MSRA: variants seen among roughly 807,000 people sequenced by gnomAD.
The protein encoded by MSRA is methionine sulfoxide reductase A.
MSRA carries 54 observed loss-of-function variants against 31.3 expected under a neutral mutation model. The observed-to-expected ratio is 1.73, with a 90% CI of 1.39 to 2.17. The LOEUF is 2.17. Among genes scored for constraint, MSRA ranks in the 30% most tolerant of loss-of-function variants. The pLI is 0.00. For synonymous variants in MSRA, 169 were observed against 116.5 expected (o/e 1.45, Z -2.90); for missense variants, 507 against 300.9 (o/e 1.69, Z -5.07).
chr8:10,177,383 T>A (rs1009547898), intron 1 of MSRA, among the ~76,000 whole-genome samples: 5 of 152,232 alleles, frequency 3.3e-5, no homozygotes, highest in African/African-American at 1.2e-4. Context: ...TGAATCAAGA[T>A]GCTTATGGTA....
At chr8:10,382,273 G>A (rs1806117369) in intron 5 of MSRA, among the ~76,000 whole-genome samples, 1 of 152,306 alleles carries the variant, frequency 6.6e-6, no homozygotes, top group Non-Finnish European at 1.5e-5. Context: ...GAGCCTTCAG[G>A]CTTGAAGATG....
At chr8:10,056,083 AGGAATTTATAC>A (rs1037380756) in intron 1 of MSRA, among the ~76,000 whole-genome samples, 10 of 151,726 alleles carry the variant, frequency 6.6e-5, no homozygotes, top group African/African-American at 9.7e-5. Context: ...TTTTACAGGC[AGGAATTTATAC>A]GTGCATGTTT....
chr8:10,108,762 C>G (rs145503853), intron 1 of MSRA, among the ~76,000 whole-genome samples: 35 of 152,138 alleles, frequency 2.3e-4, no homozygotes, highest in African/African-American at 8.2e-4. Flanking sequence ...ACGTTTTAAA[C>G]AAACTAATGA....
chr8:10,242,194 C>T (rs1797366089), intron 2 of MSRA, among the ~76,000 whole-genome samples: 1 of 151,836 alleles, frequency 6.6e-6, no homozygotes, highest in African/African-American at 2.4e-5. Context: ...TTGCTTGAAC[C>T]CGGGAGGTGG....
At chr8:10,242,628 C>G (rs1364525879) in intron 2 of MSRA, among the ~76,000 whole-genome samples, 2 of 152,020 alleles carry the variant, frequency 1.3e-5, no homozygotes, top group African/African-American at 4.8e-5. Flanking sequence ...ATAGTGCATA[C>G]TATATTTTAT....
At chr8:10,286,059 G>T (rs1392328165) in intron 3 of MSRA, among the ~76,000 whole-genome samples, 2 of 152,104 alleles carry the variant, frequency 1.3e-5, no homozygotes, top group African/African-American at 4.8e-5. Context: ...TTCTGATACT[G>T]TGGGCACTGG....
At chr8:10,354,746 G>A (rs1321623730) in intron 5 of MSRA, among the ~76,000 whole-genome samples, 2 of 130,082 alleles carry the variant, frequency 1.5e-5, no homozygotes, top group African/African-American at 6.0e-5. Context: ...GTGTGTGTGT[G>A]TGTGTATATA....
chr8:10,266,002 C>G (rs920415649), intron 3 of MSRA, among the ~76,000 whole-genome samples: 2 of 152,150 alleles, frequency 1.3e-5, no homozygotes, highest in African/African-American at 4.8e-5. Context: ...TGCTGATGAA[C>G]AGTCAGGTTG....
intron 5 of MSRA, among the ~76,000 whole-genome samples, chr8:10,427,790 C>T (rs1425996770): frequency 6.6e-6 from 1 of 152,200 alleles, no homozygotes; most frequent in African/African-American, 2.4e-5. Flanking sequence ...GGGAGCCATG[C>T]TTACCTGCTG....
At chr8:10,083,061 C>T (rs1798373141) in intron 1 of MSRA, among the ~76,000 whole-genome samples, 1 of 152,150 alleles carries the variant, frequency 6.6e-6, no homozygotes, top group Admixed American at 6.5e-5. Context: ...AATTTGGAAG[C>T]ACGTAACCAT....
chr8:10,351,132 T>C (rs1382765711), intron 5 of MSRA, among the ~76,000 whole-genome samples: 1 of 152,140 alleles, frequency 6.6e-6, no homozygotes, highest in Non-Finnish European at 1.5e-5. Context: ...TGGAAGCTTG[T>C]TCCTCGGTGG....
intron 1 of MSRA, among the ~76,000 whole-genome samples, chr8:10,093,137 G>T (rs994575131): frequency 4.6e-5 from 7 of 151,972 alleles, no homozygotes; most frequent in Admixed American, 1.3e-4. Flanking sequence ...ATTTTAATCC[G>T]TTCTGCCAAT....
chr8:10,349,431 C>T (rs1017055107), intron 5 of MSRA, among the ~76,000 whole-genome samples: 1 of 152,126 alleles, frequency 6.6e-6, no homozygotes, highest in African/African-American at 2.4e-5. Context: ...TTTGTTTATT[C>T]TTCAGGGTTT....
chr8:10,411,957 G>A (rs1460279127), intron 5 of MSRA, among the ~76,000 whole-genome samples: 2 of 152,214 alleles, frequency 1.3e-5, no homozygotes, highest in Non-Finnish European at 2.9e-5. Context: ...CGTCCACAGA[G>A]TGGTTTTACT....
chr8:10,113,289 C>CTTTTTTTTTTTTTTTT (rs1467440154), intron 1 of MSRA, among the ~76,000 whole-genome samples: 743 of 50,848 alleles, frequency 0.015, 57 homozygotes, highest in Middle Eastern at 0.056. Context: ...GAAGACAGGT[C>CTTTTTTTTTTTTTTTT]TTCTTTTTTT....
intron 3 of MSRA, among the ~76,000 whole-genome samples, chr8:10,259,215 ACT>A (rs1355511851): frequency 6.6e-6 from 1 of 152,078 alleles, no homozygotes; most frequent in Non-Finnish European, 1.5e-5. Flanking sequence ...ATCTATGGCC[ACT>A]CTCTGGCAAA....
At chr8:10,070,532 A>G (rs559768595) in intron 1 of MSRA, among the ~76,000 whole-genome samples, 5 of 152,330 alleles carry the variant, frequency 3.3e-5, no homozygotes, top group Middle Eastern at 3.4e-3. Context: ...TCAGTGGTAC[A>G]TCTTGCAAAA....
intron 1 of MSRA, among the ~76,000 whole-genome samples, chr8:10,071,066 A>T (rs1797709000): frequency 6.6e-6 from 1 of 152,218 alleles, no homozygotes. Flanking sequence ...GTTTAGTTTC[A>T]TAAGAAACTG....
At chr8:10,183,805 G>GTGGTGGTGC (rs1554480562) in intron 1 of MSRA, among the ~76,000 whole-genome samples, 11 of 148,724 alleles carry the variant, frequency 7.4e-5, no homozygotes, top group African/African-American at 2.3e-4. Flanking sequence ...GGTGGTGGTG[G>GTGGTGGTGC]TGGTGCTGCT....
Sources: gnomAD v4.1 joint callset for allele counts (sites outside exome capture counted in the v4.1 genomes callset) on GRCh38, gnomAD v4.1.1 for gene constraint, MANE v1.5 for transcripts, NCBI Gene and HGNC (gene_info 2026-07-23, HGNC 2026-07-21) for gene names.